MARCHF1: variants seen among roughly 807,000 people sequenced by gnomAD.
The protein encoded by MARCHF1 is membrane associated ring-CH-type finger 1.
In MARCHF1, 40 loss-of-function variants were observed where a neutral mutation model predicts 54.2. That is an observed-to-expected ratio of 0.74 (90% CI 0.57 to 0.96). The LOEUF (loss-of-function observed/expected upper bound fraction) is 0.96. MARCHF1 is among the 40% of genes least tolerant of loss of function. The pLI, the probability that MARCHF1 is intolerant of heterozygous loss-of-function variation, is 0.00. For synonymous variants in MARCHF1, 236 were observed against 236.3 expected (o/e 1.00, Z 0.01); for missense variants, 586 against 656.5 (o/e 0.89, Z 1.17).
At chr4:163,812,645 C>G (rs143751639) in intron 4 of MARCHF1, among the ~76,000 whole-genome samples, 1,767 of 152,190 alleles carry the variant, frequency 0.012, 117 homozygotes, top group Admixed American at 0.11. Context: ...GTAATCCCAG[C>G]TATCTGGGAG....
chr4:164,290,296 C>G (rs1392463328), intron 1 of MARCHF1, among the ~76,000 whole-genome samples: 1 of 151,872 alleles, frequency 6.6e-6, no homozygotes, highest in Non-Finnish European at 1.5e-5. Context: ...ATTAAAAAAT[C>G]AGAGAGACCT....
intron 3 of MARCHF1, among the ~76,000 whole-genome samples, chr4:163,932,040 T>C (rs1032372814): frequency 2.0e-4 from 31 of 152,174 alleles, no homozygotes; most frequent in African/African-American, 7.5e-4. Flanking sequence ...TACTATCTTG[T>C]AGTCTATTAA....
intron 3 of MARCHF1, among the ~76,000 whole-genome samples, chr4:163,913,854 T>C (rs532406480): frequency 1.5e-4 from 23 of 152,270 alleles, no homozygotes; most frequent in African/African-American, 5.5e-4. Flanking sequence ...CATTAATAAA[T>C]GTTCATTGAT....
Position 163,960,504 on chromosome 4 carries a change from G to A in MARCHF1, c.-39+27997C>T, listed in dbSNP as rs533474337. On this transcript the variant is annotated intron_variant, in intron 3 of 9. Coordinates refer to ENST00000514618, the MANE Select transcript of MARCHF1 (RefSeq NM_001394959.1). Reference sequence around the variant, plus strand: ...AAAAGAATGAGCTTGTGCCTTTTGAGGGAACATGGGTAGAACTGGAGGCTA... The same window carrying A: ...AAAAGAATGAGCTTGTGCCTTTTGAAGGAACATGGGTAGAACTGGAGGCTA... Among the ~76,000 whole-genome samples, 22 of 151,974 alleles carry A rather than the reference G, an allele frequency of 1.4e-4. 1 individual carries two copies. Among genetic ancestry groups the A allele is most frequent in the African/African-American group, 5.1e-4 (21 of 41,494 alleles).
chr4:163,821,601 TAGC>T (rs1454492052), intron 4 of MARCHF1, among the ~76,000 whole-genome samples: 1 of 152,030 alleles, frequency 6.6e-6, no homozygotes, highest in African/African-American at 2.4e-5. Flanking sequence ...AAAATTTTGT[TAGC>T]AGAATTAGAA....
At chr4:163,751,133 TTGTGTG>T (rs70948664) in intron 4 of MARCHF1, among the ~76,000 whole-genome samples, 52,560 of 147,028 alleles carry the variant, frequency 0.36, 9,441 homozygotes, top group South Asian at 0.41. Flanking sequence ...TATTACCACT[TTGTGTG>T]TGTGTGTGTG....
chr4:164,063,066 G>C (rs1754654784), intron 2 of MARCHF1, among the ~76,000 whole-genome samples: 1 of 152,186 alleles, frequency 6.6e-6, no homozygotes, highest in East Asian at 1.9e-4. Context: ...AGTAACCCAG[G>C]CTGCAAACAG....
chr4:163,674,399 C>G (rs991149862), intron 5 of MARCHF1, among the ~76,000 whole-genome samples: 4 of 152,132 alleles, frequency 2.6e-5, no homozygotes, highest in African/African-American at 9.7e-5. Flanking sequence ...GCTGACCAAA[C>G]GGCAGCAGGC....
At chr4:163,985,244 G>C (rs909210986) in intron 3 of MARCHF1, among the ~76,000 whole-genome samples, 6 of 152,042 alleles carry the variant, frequency 3.9e-5, no homozygotes, top group Non-Finnish European at 5.9e-5. Flanking sequence ...CTTCTGCCAG[G>C]ACTGCAAGTC....
chr4:164,006,320 T>C (rs938659744), intron 2 of MARCHF1, among the ~76,000 whole-genome samples: 3 of 152,116 alleles, frequency 2.0e-5, no homozygotes, highest in African/African-American at 4.8e-5. Flanking sequence ...AAGACATTTG[T>C]TGCACTGAAG....
intron 1 of MARCHF1, among the ~76,000 whole-genome samples, chr4:164,349,915 G>A (rs1561012969): frequency 6.6e-6 from 1 of 152,152 alleles, no homozygotes; most frequent in Admixed American, 6.5e-5. Flanking sequence ...CTTACCTTTT[G>A]AAGTCAGAAA....
chr4:164,041,957 T>C (rs1486532533), intron 2 of MARCHF1, among the ~76,000 whole-genome samples: 2 of 152,160 alleles, frequency 1.3e-5, no homozygotes, highest in African/African-American at 4.8e-5. Context: ...CAATCCAGGC[T>C]TGGAAAAGGA....
intron 7 of MARCHF1, among the ~76,000 whole-genome samples, chr4:163,592,528 T>C (rs80281808): frequency 6.6e-6 from 1 of 152,034 alleles, no homozygotes; most frequent in African/African-American, 2.4e-5. Context: ...TTTTTTTTTT[T>C]CACCACCAGA....
intron 8 of MARCHF1, among the ~76,000 whole-genome samples, chr4:163,553,333 A>G (rs902428582): frequency 6.6e-6 from 1 of 152,220 alleles, no homozygotes; most frequent in Non-Finnish European, 1.5e-5. Context: ...GTCTAGATTA[A>G]TGCGTCATGC....
intron 1 of MARCHF1, among the ~76,000 whole-genome samples, chr4:164,185,959 C>T (rs58400007): frequency 0.16 from 23,748 of 152,006 alleles, 2,606 homozygotes; most frequent in African/African-American, 0.3. Context: ...AGTGGCGTGA[C>T]CTCGGCTCAC....
At chr4:163,807,908 G>A (rs1748271004) in intron 4 of MARCHF1, among the ~76,000 whole-genome samples, 2 of 151,978 alleles carry the variant, frequency 1.3e-5, no homozygotes, top group Non-Finnish European at 2.9e-5. Flanking sequence ...ATATGTAAAG[G>A]TTTAACACTT....
At chr4:163,675,179 G>T (rs1365449639) in intron 5 of MARCHF1, among the ~76,000 whole-genome samples, 1 of 152,150 alleles carries the variant, frequency 6.6e-6, no homozygotes, top group Non-Finnish European at 1.5e-5. Flanking sequence ...ATAAAAACAA[G>T]AATCAGATTG....
At chr4:163,865,426 T>A (rs566637792) in intron 3 of MARCHF1, among the ~76,000 whole-genome samples, 1 of 151,996 alleles carries the variant, frequency 6.6e-6, no homozygotes, top group East Asian at 1.9e-4. Flanking sequence ...AACTTTGTAA[T>A]CCAACCCAGG....
chr4:164,039,940 G>A (rs1352562184), intron 2 of MARCHF1, among the ~76,000 whole-genome samples: 1 of 145,766 alleles, frequency 6.9e-6, no homozygotes, highest in Non-Finnish European at 1.5e-5. Flanking sequence ...TATTCATCTT[G>A]GATAAAATAA....
Sources: allele counts gnomAD v4.1 joint callset (sites outside exome capture counted in the v4.1 genomes callset), GRCh38; gene constraint gnomAD v4.1.1; transcripts MANE v1.5; gene names NCBI Gene and HGNC (gene_info 2026-07-23, HGNC 2026-07-21).